The following ELF1 variants were observed in gnomAD, a reference collection of about 807,000 sequenced individuals.
The protein encoded by ELF1 is ETS-related transcription factor Elf-1.
A neutral mutation model predicts 59.9 loss-of-function variants in ELF1; 24 were observed. The observed-to-expected ratio is 0.40, with a 90% CI of 0.29 to 0.56. The LOEUF is 0.56. Ranked by LOEUF, ELF1 falls within the 20% of genes least tolerant of loss-of-function variation. The probability of loss-of-function intolerance (pLI) is 0.44; values close to 1 mark genes in which losing one functional copy is unlikely to be tolerated. For missense variants in ELF1, 627 were observed against 742.2 expected (o/e 0.84, Z 1.80); for synonymous variants, 248 against 266.2 (o/e 0.93, Z 0.67).
intron 1 of ELF1, among the ~76,000 whole-genome samples, chr13:41,045,014 T>C (rs1434373586): frequency 6.6e-6 from 1 of 152,200 alleles, no homozygotes; most frequent in Non-Finnish European, 1.5e-5. Flanking sequence ...CTTCCTGGTT[T>C]AGTCTTGGGA....
rs1869556107 is a variant in ELF1 at position 40,933,608 on chromosome 13, A to G, written c.1677T>C (p.Thr559=). 1 of 1,613,958 alleles carries G rather than the reference A, an allele frequency of 6.2e-7. No individual in the cohort carries two copies. The highest frequency in any genetic ancestry group is 8.5e-7 in the Non-Finnish European group (1 of 1,180,010). ...PGTVITSVIK[T]QETKTLTQEV... ...CCTGTGTAAGAGTTTTTGTTTCTTG[A>G]GTTTTGATAACTGAAGTGATTACAG... The change falls in exon 9 of 9, where the codon ACT becomes ACC. Residue 559 remains threonine (T), a synonymous_variant. Transcript: ENST00000239882.
chr13:41,018,388 C>T (rs1352102943), intron 1 of ELF1, among the ~76,000 whole-genome samples: 2 of 152,088 alleles, frequency 1.3e-5, no homozygotes, highest in Non-Finnish European at 2.9e-5. Flanking sequence ...ATTTTAAGAA[C>T]AGTAATACAA....
intron 1 of ELF1, among the ~76,000 whole-genome samples, chr13:41,016,690 G>A (rs554780277): frequency 3.1e-4 from 47 of 151,494 alleles, no homozygotes; most frequent in African/African-American, 9.4e-4. Flanking sequence ...CGAGGTGAGC[G>A]GATCACCCAA....
chr13:40,955,685 G>A (rs1182312370), intron 3 of ELF1, among the ~76,000 whole-genome samples: 2 of 124,684 alleles, frequency 1.6e-5, no homozygotes, highest in Non-Finnish European at 3.5e-5. Flanking sequence ...GGGGGAGTCA[G>A]CCCCCGGCCT....
At chr13:40,968,746 G>A (rs1283614749) in intron 2 of ELF1, among the ~76,000 whole-genome samples, 1 of 147,084 alleles carries the variant, frequency 6.8e-6, no homozygotes, top group Non-Finnish European at 1.5e-5. Context: ...TTTAGACAGG[G>A]TCTTGCTCCG....
At chr13:41,031,818 C>CAAAAAAAAAAAAAAAAAAAAAA (rs3072004) in intron 1 of ELF1, among the ~76,000 whole-genome samples, 1 of 82,198 alleles carries the variant, frequency 1.2e-5, no homozygotes, top group East Asian at 3.2e-4. Context: ...GACTCCGTGT[C>CAAAAAAAAAAAAAAAAAAAAAA]AAAAAAAAAA....
chr13:40,996,202 T>G (rs1874118950), intron 1 of ELF1, among the ~76,000 whole-genome samples: 1 of 152,194 alleles, frequency 6.6e-6, no homozygotes, highest in East Asian at 1.9e-4. Context: ...CAATAGGAAT[T>G]CTCATTCACT....
intron 2 of ELF1, among the ~76,000 whole-genome samples, chr13:40,960,296 G>A (rs2138199802): frequency 6.6e-6 from 1 of 152,068 alleles, no homozygotes; most frequent in South Asian, 2.1e-4. Flanking sequence ...TTTGGTTATA[G>A]GTTTCCTTTA....
chr13:40,982,798 A>G, intron 1 of ELF1: 1 of 819,760 alleles, frequency 1.2e-6, no homozygotes, highest in South Asian at 5.6e-5. Context: ...GCAGAAATTA[A>G]AGCCCACTCT....
At chr13:41,032,727 G>A (rs1176158736) in intron 1 of ELF1, among the ~76,000 whole-genome samples, 2 of 151,862 alleles carry the variant, frequency 1.3e-5, no homozygotes, top group Non-Finnish European at 2.9e-5. Flanking sequence ...GTGCAAGCCT[G>A]TAGTCCCAGC....
At chr13:40,967,704 G>A (rs1872268092) in intron 2 of ELF1, among the ~76,000 whole-genome samples, 1 of 151,842 alleles carries the variant, frequency 6.6e-6, no homozygotes. Context: ...CAATCCTCCT[G>A]CCTCAGTCTC....
intron 1 of ELF1, among the ~76,000 whole-genome samples, chr13:40,987,744 G>C (rs1430550800): frequency 6.6e-6 from 1 of 152,140 alleles, no homozygotes; most frequent in African/African-American, 2.4e-5. Context: ...AATTCAGACT[G>C]TGTCTGTTTA....
intron 1 of ELF1, among the ~76,000 whole-genome samples, chr13:40,989,129 T>C (rs1873709272): frequency 6.6e-6 from 1 of 152,194 alleles, no homozygotes; most frequent in Non-Finnish European, 1.5e-5. Context: ...GTATTATTGC[T>C]AGAATTTACA....
At chr13:41,058,472 C>T (rs1877368249) in intron 1 of ELF1, among the ~76,000 whole-genome samples, 2 of 152,228 alleles carry the variant, frequency 1.3e-5, no homozygotes, top group African/African-American at 4.8e-5. Context: ...AGTAGCACTT[C>T]TACAACTCAG....
chr13:41,036,942 T>C (rs951815394), intron 1 of ELF1, among the ~76,000 whole-genome samples: 4 of 128,692 alleles, frequency 3.1e-5, no homozygotes, highest in Non-Finnish European at 6.5e-5. Context: ...CATCACACAC[T>C]GGGGCCTGTT....
intron 2 of ELF1, among the ~76,000 whole-genome samples, chr13:40,963,511 C>CA (rs769231592): frequency 6.6e-6 from 1 of 152,182 alleles, no homozygotes; most frequent in Non-Finnish European, 1.5e-5. Flanking sequence ...TTTTCTAGTC[C>CA]ACTGACATGG....
At chr13:41,011,628 G>C (rs1010988763) in intron 1 of ELF1, among the ~76,000 whole-genome samples, 1 of 151,880 alleles carries the variant, frequency 6.6e-6, no homozygotes, top group Admixed American at 6.6e-5. Flanking sequence ...ATTTTTAGTA[G>C]AGAAGGGGTT....
intron 1 of ELF1, 45 bp downstream of exon 1, chr13:41,019,183 T>A (rs1875586960): frequency 1.0e-6 from 1 of 985,210 alleles, no homozygotes; most frequent in African/African-American, 1.7e-5. Context: ...GTTTATCAGC[T>A]CAAGAAAAAG....
rs150115621 is a variant in ELF1 at position 40,953,255 on chromosome 13, T to C, written c.254-1819A>G. On this transcript the variant is annotated intron_variant, in intron 3 of 8. Coordinates refer to ENST00000239882, the MANE Select transcript of ELF1 (RefSeq NM_172373.4). ...CCTCCCAAAGTGCTGGGATTACAAGTGTCAGCCACCGTGCCCGGCCTACAG... is the reference window on the plus strand; with the variant it reads ...CCTCCCAAAGTGCTGGGATTACAAGCGTCAGCCACCGTGCCCGGCCTACAG... Among the ~76,000 whole-genome samples, 478 of 152,270 alleles carry C rather than the reference T, an allele frequency of 3.1e-3. 4 individuals are homozygous for C. Among genetic ancestry groups the C allele is most frequent in the African/African-American group, 0.011 (441 of 41,556 alleles).
Sources: gnomAD v4.1 joint callset for allele counts (sites outside exome capture counted in the v4.1 genomes callset) on GRCh38, gnomAD v4.1.1 for gene constraint, MANE v1.5 for transcripts, NCBI Gene and HGNC (gene_info 2026-07-23, HGNC 2026-07-21) for gene names.